CDK8: variants seen among roughly 807,000 people sequenced by gnomAD.
CDK8 encodes the protein cyclin-dependent kinase 8.
A neutral mutation model predicts 71.5 loss-of-function variants in CDK8; 29 were observed. The observed-to-expected ratio is 0.41, with a 90% CI of 0.30 to 0.55. The LOEUF (loss-of-function observed/expected upper bound fraction) is 0.55, where lower values mean the gene tolerates loss of function less well. Ranked by LOEUF, CDK8 falls within the 20% of genes least tolerant of loss-of-function variation. The pLI is 0.37. For missense variants in CDK8, 288 were observed against 572.6 expected (o/e 0.50, Z 5.07); for synonymous variants, 161 against 192.1 (o/e 0.84, Z 1.34).
chr13:26,254,451 C>A lies in CDK8; in HGVS notation c.-191C>A, dbSNP rs565655914. The A allele has an allele frequency of 1.3e-5, 6 of 467,872 alleles. No individual in the cohort carries two copies. The East Asian group carries it at 2.0e-4, about 16-fold the overall frequency. 29.0% of individuals were successfully genotyped at this position (467,872 alleles called of 1,614,324 possible). On this transcript the variant is annotated 5_prime_UTR_variant, in exon 1 of 13. Transcript: ENST00000381527. This position sits in a 1 kb window ranked among gnomAD's most constrained non-coding sequence, Gnocchi z 6.7. ...CACCCCCGGCCGGCCTCTGCCCCGC[C>A]GTCCCCCTGGATGTCCCTGGCGCTT...
At chr13:26,352,247 G>A (rs997006734) in intron 3 of CDK8, among the ~76,000 whole-genome samples, 1 of 151,450 alleles carries the variant, frequency 6.6e-6, no homozygotes, top group East Asian at 1.9e-4. Context: ...ATGGAGTCTC[G>A]CTCTGTCGCC....
intron 12 of CDK8, among the ~76,000 whole-genome samples, chr13:26,402,313 A>G (rs1192609130): frequency 6.6e-6 from 1 of 152,232 alleles, no homozygotes; most frequent in Non-Finnish European, 1.5e-5. Context: ...TAGGGATCCT[A>G]TCATGGCATT....
intron 1 of CDK8, among the ~76,000 whole-genome samples, chr13:26,330,424 C>G (rs1875258693): frequency 6.6e-6 from 1 of 152,190 alleles, no homozygotes; most frequent in African/African-American, 2.4e-5. Flanking sequence ...AGGCTGGCCT[C>G]AAACTCCTGA....
At chr13:26,366,836 G>C (rs1011090395) in intron 4 of CDK8, among the ~76,000 whole-genome samples, 1 of 152,136 alleles carries the variant, frequency 6.6e-6, no homozygotes, top group Non-Finnish European at 1.5e-5. Flanking sequence ...ATCTGTTTAT[G>C]TAAACATCTT....
At chr13:26,383,215 A>G (rs1192308548) in intron 5 of CDK8, among the ~76,000 whole-genome samples, 2 of 152,152 alleles carry the variant, frequency 1.3e-5, no homozygotes, top group African/African-American at 2.4e-5. Context: ...TAATAATTCT[A>G]CTATCAGTTG....
At chr13:26,304,811 T>C (rs1380393152) in intron 1 of CDK8, among the ~76,000 whole-genome samples, 1 of 151,538 alleles carries the variant, frequency 6.6e-6, no homozygotes, top group Non-Finnish European at 1.5e-5. Context: ...TAATTTAAAT[T>C]TTTTTTTAAT....
chr13:26,256,639 G>T (rs1871537324), intron 1 of CDK8, among the ~76,000 whole-genome samples: 1 of 152,038 alleles, frequency 6.6e-6, no homozygotes, highest in South Asian at 2.1e-4. Context: ...CTATGGTCAG[G>T]TTTTAATTTA....
intron 1 of CDK8, among the ~76,000 whole-genome samples, chr13:26,261,212 A>G (rs1470641312): frequency 6.6e-6 from 1 of 152,228 alleles, no homozygotes; most frequent in Non-Finnish European, 1.5e-5. Flanking sequence ...TCCCAAAACC[A>G]GTCCTTGCTG....
intron 9 of CDK8, among the ~76,000 whole-genome samples, chr13:26,399,102 C>T: frequency 6.6e-6 from 1 of 151,866 alleles, no homozygotes; most frequent in East Asian, 2.0e-4. Flanking sequence ...CTCTGCCTCC[C>T]AGGTTCAAGC....
intron 12 of CDK8, among the ~76,000 whole-genome samples, chr13:26,403,035 A>G (rs989067149): frequency 2.0e-5 from 3 of 152,332 alleles, no homozygotes; most frequent in East Asian, 3.9e-4. Context: ...TTGTCTTGGG[A>G]GCAAATAGTA....
chr13:26,277,545 CAA>C (rs1338955532), intron 1 of CDK8, among the ~76,000 whole-genome samples: 1 of 152,062 alleles, frequency 6.6e-6, no homozygotes, highest in Non-Finnish European at 1.5e-5. Context: ...GAAAGGCACA[CAA>C]AATGACAAGG....
At chr13:26,375,063 A>G (rs1356038398) in intron 4 of CDK8, among the ~76,000 whole-genome samples, 1 of 152,168 alleles carries the variant, frequency 6.6e-6, no homozygotes, top group Non-Finnish European at 1.5e-5. Context: ...TAAAGATTCT[A>G]TCAGAAGAGT....
At chr13:26,302,829 T>C (rs970115437) in intron 1 of CDK8, among the ~76,000 whole-genome samples, 7 of 152,190 alleles carry the variant, frequency 4.6e-5, no homozygotes, top group Non-Finnish European at 1.0e-4. Flanking sequence ...GTACTTTAAA[T>C]TGCATAGTCC....
chr13:26,316,179 C>CA (rs1411757800), intron 1 of CDK8, among the ~76,000 whole-genome samples: 5 of 152,094 alleles, frequency 3.3e-5, no homozygotes, highest in Non-Finnish European at 7.4e-5. Context: ...GGCAACATGG[C>CA]AAAAGCCTGT....
intron 6 of CDK8, 52 bp from the exon 7 acceptor site, chr13:26,393,315 C>G (rs1875837881): frequency 1.1e-5 from 13 of 1,227,058 alleles, no homozygotes; most frequent in Non-Finnish European, 1.3e-5. Flanking sequence ...CTTTCTTTTT[C>G]TTTTTTCCTT....
intron 5 of CDK8, among the ~76,000 whole-genome samples, chr13:26,383,950 C>A (rs1875352363): frequency 2.6e-5 from 4 of 152,216 alleles, no homozygotes; most frequent in Admixed American, 2.0e-4. Context: ...TTAAAGGAGT[C>A]TCTCCAGTCC....
At chr13:26,336,991 T>C (rs967155470) in intron 1 of CDK8, among the ~76,000 whole-genome samples, 4 of 150,438 alleles carry the variant, frequency 2.7e-5, no homozygotes. Flanking sequence ...CACAGAAAAC[T>C]CTCTAAAAGA....
intron 1 of CDK8, among the ~76,000 whole-genome samples, chr13:26,286,843 C>G (rs145619898): frequency 6.6e-6 from 1 of 152,096 alleles, no homozygotes; most frequent in Non-Finnish European, 1.5e-5. Flanking sequence ...GGGCAAGGGA[C>G]ATGAATAGAC....
At chr13:26,262,888 CACTAG>C (rs1871834218) in intron 1 of CDK8, among the ~76,000 whole-genome samples, 1 of 152,200 alleles carries the variant, frequency 6.6e-6, no homozygotes, top group Non-Finnish European at 1.5e-5. Flanking sequence ...TTACTCATCT[CACTAG>C]ACAAGTTCTT....
Sources: allele counts gnomAD v4.1 joint callset (sites outside exome capture counted in the v4.1 genomes callset), GRCh38; gene constraint gnomAD v4.1.1; non-coding constraint Gnocchi (gnomAD v3.1); transcripts MANE v1.5; gene names NCBI Gene and HGNC (gene_info 2026-07-23, HGNC 2026-07-21).